Variants in CIDEC observed in about 807,000 individuals in gnomAD.
CIDEC encodes the protein cell death inducing DFFA like effector c.
A neutral mutation model predicts 21.9 loss-of-function variants in CIDEC; 11 were observed. The ratio of observed to expected loss-of-function variants is 0.50; its 90% confidence interval spans 0.32 to 0.83. The LOEUF is 0.83. Among genes scored for constraint, CIDEC ranks in the 40% least tolerant of loss-of-function variants. The pLI, the probability that CIDEC is intolerant of heterozygous loss-of-function variation, is 0.04. For synonymous variants in CIDEC, 127 were observed against 124.9 expected, an observed-to-expected ratio of 1.02 and a Z score of -0.11; for missense variants, 302 against 302.3, an observed-to-expected ratio of 1.00 and a Z score of 0.01.
chr3:9,880,130 T>A (rs2082484989), intron 1 of CIDEC, 94 bp downstream of exon 1: 1 of 151,854 alleles, frequency 6.6e-6, no homozygotes, highest in Admixed American at 6.6e-5. Context: ...CCACTTCGTA[T>A]CCCTAGCAAA....
intron 4 of CIDEC, among the ~76,000 whole-genome samples, chr3:9,875,442 G>C (rs1229952471): frequency 1.3e-5 from 2 of 150,482 alleles, no homozygotes; most frequent in African/African-American, 4.9e-5. Context: ...AACAAAAATA[G>C]CTGGCTCATA....
chr3:9,868,363 G>A (rs938156048), intron 6 of CIDEC, among the ~76,000 whole-genome samples: 3 of 152,220 alleles, frequency 2.0e-5, no homozygotes, highest in Non-Finnish European at 4.4e-5. Context: ...TCAGAGTGCT[G>A]GACATGAAGA....
At chr3:9,878,396 G>C in intron 3 of CIDEC, 38 bp downstream of exon 3, 2 of 1,467,920 alleles carry the variant, frequency 1.4e-6, no homozygotes, top group Non-Finnish European at 1.9e-6. Flanking sequence ...ACAGCTCATA[G>C]GTGGCTCTCT....
At chr3:9,870,708 T>C (rs544995482) in intron 4 of CIDEC, among the ~76,000 whole-genome samples, 3 of 152,350 alleles carry the variant, frequency 2.0e-5, no homozygotes, top group African/African-American at 7.2e-5. Flanking sequence ...GACATAATTG[T>C]AGCTCATTGC....
At chr3:9,868,183 G>A (rs865946575) in intron 6 of CIDEC, among the ~76,000 whole-genome samples, 12 of 152,254 alleles carry the variant, frequency 7.9e-5, no homozygotes, top group African/African-American at 2.4e-4. Context: ...TGAGATGCCC[G>A]GAACCTCCCT....
At chr3:9,878,578 G>T (rs1425593637) in intron 2 of CIDEC, 67 bp from the exon 3 acceptor site, 2 of 1,443,456 alleles carry the variant, frequency 1.4e-6, no homozygotes, top group African/African-American at 1.4e-5. Context: ...TCATTGTTAG[G>T]CAAGGTGCAA....
intron 4 of CIDEC, among the ~76,000 whole-genome samples, chr3:9,875,284 G>C (rs1394266938): frequency 6.6e-6 from 1 of 151,708 alleles, no homozygotes; most frequent in African/African-American, 2.4e-5. Context: ...GGCTGAGGCA[G>C]GAGAATGGTG....
At chr3:9,879,279 G>A (rs947390059) in intron 1 of CIDEC, among the ~76,000 whole-genome samples, 5 of 150,602 alleles carry the variant, frequency 3.3e-5, no homozygotes, top group East Asian at 2.0e-4. Context: ...AGCCTCCCCC[G>A]TAGCTGGGAT....
chr3:9,869,116 G>A (rs1274273358), intron 6 of CIDEC, among the ~76,000 whole-genome samples: 1 of 151,998 alleles, frequency 6.6e-6, no homozygotes, highest in Admixed American at 6.6e-5. Context: ...GGTGAGAGCT[G>A]CTGCACTCAA....
intron 4 of CIDEC, among the ~76,000 whole-genome samples, chr3:9,874,342 C>T (rs190216975): frequency 6.6e-6 from 1 of 151,768 alleles, no homozygotes; most frequent in East Asian, 1.9e-4. Flanking sequence ...ATAGCTAGAC[C>T]CCCTCTCTAT....
At chr3:9,874,304 C>A (rs2082389989) in intron 4 of CIDEC, among the ~76,000 whole-genome samples, 1 of 151,790 alleles carries the variant, frequency 6.6e-6, no homozygotes, top group Admixed American at 6.6e-5. Context: ...TCACTTGAGG[C>A]CAGGAGTTTG....
At chr3:9,875,126 A>T (rs982470218) in intron 4 of CIDEC, among the ~76,000 whole-genome samples, 1 of 152,216 alleles carries the variant, frequency 6.6e-6, no homozygotes, top group African/African-American at 2.4e-5. Context: ...CTGTAATCCC[A>T]GCACTTTGGG....
At chr3:9,874,984 C>T (rs571308322) in intron 4 of CIDEC, among the ~76,000 whole-genome samples, 3 of 152,252 alleles carry the variant, frequency 2.0e-5, no homozygotes, top group Non-Finnish European at 2.9e-5. Flanking sequence ...CCTCCTGCCT[C>T]GGCCTCCCAA....
chr3:9,877,301 C>T, intron 3 of CIDEC, 82 bp from the exon 4 acceptor site: 5 of 1,326,264 alleles, frequency 3.8e-6, no homozygotes, highest in Non-Finnish European at 4.2e-6. Flanking sequence ...CTCCCCACCC[C>T]TCCTGACTGG....
intron 1 of CIDEC, among the ~76,000 whole-genome samples, chr3:9,879,516 T>C (rs1197825689): frequency 2.0e-5 from 3 of 152,176 alleles, no homozygotes; most frequent in East Asian, 3.9e-4. Context: ...CTAATTTAAA[T>C]TTAAATAGCC....
Position 9,870,067 on chromosome 3 carries a change from C to T in CIDEC, c.369G>A (p.Gly123=). 2 of 1,614,174 alleles carry T rather than the reference C, an allele frequency of 1.2e-6. No homozygotes were observed. Among genetic ancestry groups the T allele is most frequent in the Non-Finnish European group, 8.5e-7 (1 of 1,180,024 alleles). ...GGGAGAGGGACAGTGGGTGCCTTGT[C>T]CCCTGCATTGAGACAAGCAAATGGT... ...GQKWQPPSEQ[G]TRHPLSLSHK... Residue 123 remains glycine (G), a splice_region_variant and synonymous_variant, in exon 6 of 7, where the codon GGG becomes GGA. Coordinates refer to ENST00000336832, the MANE Select transcript of CIDEC (RefSeq NM_001321142.2).
intron 6 of CIDEC, among the ~76,000 whole-genome samples, chr3:9,867,708 A>T (rs1231429876): frequency 6.6e-6 from 1 of 152,104 alleles, no homozygotes; most frequent in East Asian, 1.9e-4. Context: ...TGGGTGGATC[A>T]TTTGAGGTCA....
At chr3:9,867,352 G>C in intron 6 of CIDEC, 56 bp from the exon 7 acceptor site, 1 of 1,581,616 alleles carries the variant, frequency 6.3e-7, no homozygotes, top group Non-Finnish European at 8.6e-7. Context: ...CGGGCATGGC[G>C]TTCACGCCTG....
chr3:9,880,032 A>T (rs990262794), intron 1 of CIDEC, among the ~76,000 whole-genome samples, 192 bp downstream of exon 1: 3 of 151,938 alleles, frequency 2.0e-5, no homozygotes, highest in Non-Finnish European at 2.9e-5. Flanking sequence ...AGAGGCAGAA[A>T]GCCCCTTTCC....
Sources: gnomAD v4.1 joint callset for allele counts (sites outside exome capture counted in the v4.1 genomes callset) on GRCh38, gnomAD v4.1.1 for gene constraint, MANE v1.5 for transcripts, NCBI Gene and HGNC (gene_info 2026-07-23, HGNC 2026-07-21) for gene names.